Variants in GLDN observed in about 807,000 individuals in gnomAD.
GLDN encodes gliomedin, also known as collomin.
A neutral mutation model predicts 56.5 loss-of-function variants in GLDN; 47 were observed. The ratio of observed to expected loss-of-function variants is 0.83; its 90% CI spans 0.66 to 1.06. The LOEUF is 1.06. Ranked by LOEUF, GLDN falls within the 50% of genes least tolerant of loss-of-function variation. GLDN has a pLI of 0.00. For missense variants in GLDN, 782 were observed against 714.3 expected, an observed-to-expected ratio of 1.09 and a Z score of -1.08; for synonymous variants, 332 against 278.8, an observed-to-expected ratio of 1.19 and a Z score of -1.90.
intron 5 of GLDN, 76 bp downstream of exon 5, chr15:51,395,057 G>A: frequency 7.1e-7 from 1 of 1,399,804 alleles, no homozygotes; most frequent in East Asian, 2.6e-5. Flanking sequence ...CACCAGGGCT[G>A]CTCCTGTGTC....
At position 51,407,323 on chromosome 15, in the gene GLDN, T is replaced by C. The variant is rs1358163851; in HGVS notation, c.*2569T>C. 6.6e-6 allele frequency: 1 copy of C among 152,220 alleles called. No homozygotes were observed. Among genetic ancestry groups the C allele is most frequent in the Non-Finnish European group, 1.5e-5 (1 of 68,038 alleles). 9.4% of individuals were successfully genotyped at this position (152,220 alleles called of 1,614,324 possible). Reference sequence around the variant, plus strand: ...ATTACTTGATTTTTTAAAGAAGTTTTGGGCTCACTGCTAAAATAGAGTATA... The same window carrying C: ...ATTACTTGATTTTTTAAAGAAGTTTCGGGCTCACTGCTAAAATAGAGTATA... On this transcript the variant is annotated 3_prime_UTR_variant, in exon 10 of 10. Transcript: ENST00000335449.
intron 1 of GLDN, among the ~76,000 whole-genome samples, chr15:51,367,753 A>G (rs1034198771): frequency 3.3e-5 from 5 of 152,286 alleles, no homozygotes; most frequent in Non-Finnish European, 7.4e-5. Context: ...CCTCCTTTAC[A>G]TATCAGCACC....
intron 9 of GLDN, among the ~76,000 whole-genome samples, chr15:51,403,768 C>A (rs2038307774): frequency 6.6e-6 from 1 of 152,178 alleles, no homozygotes; most frequent in Non-Finnish European, 1.5e-5. Context: ...AAAGGAATAA[C>A]CCCCACACTT....
chr15:51,356,889 G>C (rs72729218), intron 1 of GLDN, among the ~76,000 whole-genome samples: 25,848 of 152,154 alleles, frequency 0.17, 2,792 homozygotes, highest in Admixed American at 0.26. Flanking sequence ...TGGAAGCCTT[G>C]TAATAAAAAG....
Position 51,341,773 on chromosome 15 carries a change from A to G in GLDN, c.89A>G (p.Asn30Ser). The G allele has an allele frequency of 1.3e-6, 2 of 1,496,474 alleles. No homozygotes were observed. The highest frequency in any genetic ancestry group is 8.8e-7 in the Non-Finnish European group (1 of 1,132,618). The allele number at this position is 1,496,474 out of a possible 1,614,324, so 92.7% of individuals were successfully genotyped here. Residue 30 changes from asparagine to serine, a missense_variant, in exon 1 of 10, where the codon AAC (asparagine) becomes AGC (serine). Asn to Ser is a conservative substitution (Grantham distance 46, BLOSUM62 1). Coordinates refer to ENST00000335449, the MANE Select transcript of GLDN (RefSeq NM_181789.4). ...LAAVALLSAL[N>S]AAGTVFALCQ... ...GCCGTGGCGCTGCTCTCGGCGCTCA[A>G]CGCTGCGGGCACGGTGTTCGCGCTG...
chr15:51,405,184 T>A lies in GLDN; in HGVS notation c.*430T>A, dbSNP rs528775874. 6 of 182,310 alleles carry A rather than the reference T, an allele frequency of 3.3e-5. No homozygotes were observed. In the South Asian group the frequency reaches 7.1e-4, roughly 22 times the overall value. The allele number at this position is 182,310 out of a possible 1,614,324, so 11.3% of individuals were successfully genotyped here. On this transcript the variant is annotated 3_prime_UTR_variant, in exon 10 of 10. Transcript: ENST00000335449. Reference sequence around the variant, plus strand: ...TAAGTCCAGTGGCTTGAGTAGTGAATCCCTCAGTGCTGACTTATATCTTGT... The same window carrying A: ...TAAGTCCAGTGGCTTGAGTAGTGAAACCCTCAGTGCTGACTTATATCTTGT...
intron 1 of GLDN, chr15:51,367,444 G>T (rs911240935): frequency 3.9e-5 from 6 of 152,252 alleles, no homozygotes; most frequent in African/African-American, 1.4e-4. Flanking sequence ...GGGCTGGCCA[G>T]GGCTTGTGGG....
downstream of GLDN, among the ~76,000 whole-genome samples, chr15:51,409,835 G>A (rs1242239738): frequency 5.3e-5 from 8 of 152,194 alleles, no homozygotes; most frequent in Admixed American, 3.9e-4. Flanking sequence ...TCATCCCACC[G>A]CTTCCAAAGA....
chr15:51,393,599 C>T (rs1478772034), intron 4 of GLDN, among the ~76,000 whole-genome samples: 2 of 152,240 alleles, frequency 1.3e-5, no homozygotes, highest in Non-Finnish European at 2.9e-5. Context: ...GGCTGTTTCA[C>T]GCAGCTGTCT....
At chr15:51,342,131 C>G in intron 1 of GLDN, 84 bp downstream of exon 1, 1 of 1,163,932 alleles carries the variant, frequency 8.6e-7, no homozygotes, top group Non-Finnish European at 1.1e-6. Flanking sequence ...GCCCTCTTCT[C>G]CCCTGGCCAG....
rs1204125109 is a variant in GLDN at position 51,407,264 on chromosome 15, G to A, written c.*2510G>A. The A allele has an allele frequency of 6.6e-6, 1 of 152,004 alleles. No homozygotes were observed. The highest frequency in any genetic ancestry group is 1.5e-5 in the Non-Finnish European group (1 of 68,020). The allele number at this position is 152,004 out of a possible 1,614,324, so 9.4% of individuals were successfully genotyped here. ...ATCTTATCTGATTGTCTTTAAAAGT[G>A]AAAAGGATTAAGATTTTATTCTTTC... On this transcript the variant is annotated 3_prime_UTR_variant, in exon 10 of 10. Coordinates refer to ENST00000335449, the MANE Select transcript of GLDN (RefSeq NM_181789.4).
rs1373909408 is a variant in GLDN, at chr15:51,400,451, C to T, written c.980C>T (p.Ser327Phe). 1 of 1,613,900 alleles carries T rather than the reference C, an allele frequency of 6.2e-7. No individual in the cohort carries two copies. The highest frequency in any genetic ancestry group is 8.5e-7 in the Non-Finnish European group (1 of 1,179,782). Residue 327 changes from serine (S) to phenylalanine (F), a missense_variant, in exon 8 of 10, where the codon TCT becomes TTT. Ser to Phe is a radical substitution (Grantham distance 155). Coordinates refer to ENST00000335449, the MANE Select transcript of GLDN (RefSeq NM_181789.4). ...ACATTTGGGACTTGGATAAGAGAGT[C>T]TGCTAACAAGAGTGATGACCGGATT... is the stretch of plus-strand genomic sequence containing the variant. ...TETFGTWIRESANKSDDRIWV... is the reference protein window; with the variant it reads ...TETFGTWIREFANKSDDRIWV...
At chr15:51,377,589 G>T in intron 2 of GLDN, 89 bp downstream of exon 2, 1 of 899,176 alleles carries the variant, frequency 1.1e-6, no homozygotes. Flanking sequence ...GGGACACTTT[G>T]TTATAAAAAT....
intron 3 of GLDN, among the ~76,000 whole-genome samples, 156 bp from the exon 4 acceptor site, chr15:51,383,629 T>A (rs1400251637): frequency 1.3e-5 from 2 of 152,062 alleles, no homozygotes; most frequent in Non-Finnish European, 2.9e-5. Context: ...CACTTGGCAC[T>A]GCTTCAGCCA....
rs1249420021 is a variant in GLDN at position 51,394,379 on chromosome 15, G to A, written c.542-456G>A. Among the ~76,000 whole-genome samples the A allele has an allele frequency of 6.6e-5, 10 of 152,154 alleles. No homozygotes were observed. The South Asian group carries it at 1.5e-3, about 22-fold the overall frequency. On this transcript the variant is annotated intron_variant, in intron 4 of 9. Coordinates refer to ENST00000335449, the MANE Select transcript of GLDN (RefSeq NM_181789.4). ...TGTAATTCCAGCACTTTGGGAGGCC[G>A]AGGCAGGCGGATCACCTGAGGTCAG...
chr15:51,356,392 A>G (rs1421183722), intron 1 of GLDN, among the ~76,000 whole-genome samples: 1 of 152,092 alleles, frequency 6.6e-6, no homozygotes, highest in East Asian at 1.9e-4. Flanking sequence ...GTGAGGAAAC[A>G]TGGAAGCGGG....
At chr15:51,353,612 A>G (rs1055704272) in intron 1 of GLDN, among the ~76,000 whole-genome samples, 4 of 152,020 alleles carry the variant, frequency 2.6e-5, no homozygotes. Flanking sequence ...AAGGTAGAGC[A>G]AAAACAGGTA....
chr15:51,355,943 C>T (rs948352556), intron 1 of GLDN, among the ~76,000 whole-genome samples: 11 of 150,818 alleles, frequency 7.3e-5, no homozygotes, highest in Admixed American at 2.0e-4. Context: ...TGTGGTGGCT[C>T]ACGCCTGTAA....
Position 51,341,710 on chromosome 15 carries a change from G to A in GLDN, c.26G>A (p.Arg9His), listed in dbSNP as rs1410391385. Residue 9 changes from arginine to histidine, a missense_variant, in exon 1 of 10, where the codon CGT (arginine) becomes CAT (histidine). By Grantham distance (29) the Arg-to-His change is conservative. Transcript: ENST00000335449. ...ATGGCCCGAGGCGCTGAGGGAGGCC[G>A]TGGGGACGCGGGTTGGGGCCTGCGT... Reference protein sequence around the residue: MARGAEGGRGDAGWGLRGA... With the variant: MARGAEGGHGDAGWGLRGA... 8.4e-6 allele frequency: 12 copies of A among 1,429,638 alleles called. No individual in the cohort carries two copies. Among genetic ancestry groups the A allele is most frequent in the African/African-American group, 1.5e-5 (1 of 66,776 alleles). The allele number at this position is 1,429,638 out of a possible 1,614,324, so 88.6% of individuals were successfully genotyped here.
Sources: allele counts gnomAD v4.1 joint callset (sites outside exome capture counted in the v4.1 genomes callset), GRCh38; gene constraint gnomAD v4.1.1; transcripts MANE v1.5; gene names NCBI Gene and HGNC (gene_info 2026-07-23, HGNC 2026-07-21).